The following DLC1 variants were observed in gnomAD, a reference collection of about 807,000 sequenced individuals.
The protein encoded by DLC1 is DLC1 Rho GTPase activating protein.
DLC1 carries 54 observed loss-of-function variants against 140.3 expected under a neutral mutation model. The observed-to-expected ratio is 0.38, with a 90% confidence interval of 0.31 to 0.48. DLC1 has a LOEUF of 0.48. Ranked by LOEUF, DLC1 falls within the 20% of genes least tolerant of loss-of-function variation. The pLI, the probability that DLC1 is intolerant of heterozygous loss-of-function variation, is 0.96. For missense variants in DLC1, 2,536 were observed against 1,907.0 expected (o/e 1.33, Z -6.14); for synonymous variants, 986 against 728.1 (o/e 1.35, Z -5.70).
At chr8:13,176,079 A>G (rs1250425605) in intron 5 of DLC1, among the ~76,000 whole-genome samples, 1 of 152,246 alleles carries the variant, frequency 6.6e-6, no homozygotes, top group African/African-American at 2.4e-5. Context: ...TTCTAGGATC[A>G]TGCTTTGCTT....
At chr8:13,561,408 A>G (rs1045772455) in intron 1 of DLC1, among the ~76,000 whole-genome samples, 2 of 152,128 alleles carry the variant, frequency 1.3e-5, no homozygotes, top group African/African-American at 4.8e-5. Flanking sequence ...TTGAACTCCT[A>G]TTCTTAAAGA....
At chr8:13,107,532 C>T (rs976972627) in intron 7 of DLC1, among the ~76,000 whole-genome samples, 4 of 152,098 alleles carry the variant, frequency 2.6e-5, no homozygotes, top group African/African-American at 9.7e-5. Flanking sequence ...AAGGCAAAGA[C>T]AAAAGTCTAT....
At chr8:13,404,173 T>G (rs536932116) in intron 2 of DLC1, among the ~76,000 whole-genome samples, 1 of 152,240 alleles carries the variant, frequency 6.6e-6, no homozygotes, top group African/African-American at 2.4e-5. Flanking sequence ...AAGGCACTGT[T>G]TGGGGAGCAT....
chr8:13,378,431 A>C (rs949818677), intron 4 of DLC1, among the ~76,000 whole-genome samples: 2 of 151,998 alleles, frequency 1.3e-5, no homozygotes, highest in African/African-American at 4.8e-5. Flanking sequence ...TGATCCAAGA[A>C]GAGATTAAGT....
intron 1 of DLC1, among the ~76,000 whole-genome samples, chr8:13,573,174 G>C (rs1804723889): frequency 6.6e-6 from 1 of 151,958 alleles, no homozygotes; most frequent in South Asian, 2.1e-4. Context: ...TGTAAGTTTT[G>C]TGCCTCCTTT....
chr8:13,165,823 C>G (rs1825067090), intron 5 of DLC1, among the ~76,000 whole-genome samples: 2 of 152,146 alleles, frequency 1.3e-5, no homozygotes. Flanking sequence ...GAATGGCTTC[C>G]TTGGGTCAGT....
At chr8:13,193,817 C>A (rs755672946) in intron 5 of DLC1, among the ~76,000 whole-genome samples, 1 of 152,140 alleles carries the variant, frequency 6.6e-6, no homozygotes, top group Non-Finnish European at 1.5e-5. Context: ...AGGTGGAAAT[C>A]TGCCAGTACT....
rs1729176 is a variant in DLC1, at chr8:13,366,630, T to G, written c.1314+26923A>C. The stretch of plus-strand genomic sequence containing the variant: ...GTTCAAACAACAAAAAATTTAGAAA[T>G]CTGCTTGGTTAGAGCAGATATAAAT... On this transcript the variant is annotated intron_variant, in intron 4 of 17. Transcript: ENST00000276297. 1.8e-4 allele frequency among the ~76,000 whole-genome samples: 28 copies of G among 152,070 alleles called. No individual in the cohort carries two copies. In the East Asian group the frequency reaches 5.0e-3, roughly 27 times the overall value.
chr8:13,509,175 C>T (rs1802244709), intron 1 of DLC1, among the ~76,000 whole-genome samples: 1 of 152,140 alleles, frequency 6.6e-6, no homozygotes, highest in African/African-American at 2.4e-5. Flanking sequence ...TTTAAGTGGT[C>T]ACTTTATTTT....
chr8:13,113,744 C>G (rs560982765), intron 6 of DLC1, among the ~76,000 whole-genome samples: 2 of 152,286 alleles, frequency 1.3e-5, no homozygotes, highest in South Asian at 4.1e-4. Context: ...CAGGTTAAAA[C>G]TTCTCTCTAA....
rs74930165 is a variant in DLC1 at position 13,111,700 on chromosome 8, G to A, written c.1421-877C>T. Among the ~76,000 whole-genome samples, 406 of 152,198 alleles carry A rather than the reference G, an allele frequency of 2.7e-3. 6 individuals are homozygous for A. In the East Asian group the frequency reaches 0.042, roughly 16 times the overall value. The stretch of plus-strand genomic sequence containing the variant: ...AAAGGCAAGTTATCACCCTCTTGGA[G>A]TCCCAACTATGAGGGCAAATCATGG... On this transcript the variant is annotated intron_variant, in intron 6 of 17. Transcript: ENST00000276297.
intron 5 of DLC1, among the ~76,000 whole-genome samples, chr8:13,240,546 C>A (rs1829501729): frequency 1.3e-5 from 2 of 152,164 alleles, no homozygotes; most frequent in South Asian, 4.1e-4. Context: ...CCACATCAGC[C>A]TCCCAAGTAG....
At chr8:13,581,362 A>G (rs1016571638) in intron 1 of DLC1, among the ~76,000 whole-genome samples, 3 of 151,932 alleles carry the variant, frequency 2.0e-5, no homozygotes, top group Admixed American at 1.3e-4. Context: ...CCCAAACAAA[A>G]CTCTTGCTGT....
At chr8:13,202,072 A>C (rs1036632647) in intron 5 of DLC1, among the ~76,000 whole-genome samples, 1 of 151,878 alleles carries the variant, frequency 6.6e-6, no homozygotes, top group African/African-American at 2.4e-5. Flanking sequence ...CAGCCTACCA[A>C]GTAGCTGGGA....
intron 1 of DLC1, among the ~76,000 whole-genome samples, chr8:13,589,678 T>C (rs943987991): frequency 4.3e-5 from 5 of 115,772 alleles, no homozygotes; most frequent in Admixed American, 9.6e-5. Context: ...CAGTTCTATA[T>C]AGAATGCTCT....
intron 15 of DLC1, among the ~76,000 whole-genome samples, 170 bp downstream of exon 15, chr8:13,090,082 C>T (rs959416778): frequency 5.3e-5 from 8 of 152,170 alleles, no homozygotes; most frequent in Non-Finnish European, 7.3e-5. Context: ...TTGCTTTGCC[C>T]GGTTTCCACT....
chr8:13,587,650 T>C (rs900067), intron 1 of DLC1, among the ~76,000 whole-genome samples: 1 of 148,268 alleles, frequency 6.7e-6, no homozygotes, highest in Non-Finnish European at 1.5e-5. Context: ...ATATGTATGT[T>C]TATATAGGCG....
chr8:13,382,129 T>G (rs1329217418), intron 4 of DLC1, among the ~76,000 whole-genome samples: 1 of 152,044 alleles, frequency 6.6e-6, no homozygotes, highest in East Asian at 1.9e-4. Context: ...AAGTAAAAAA[T>G]GTACCTAAAG....
intron 1 of DLC1, among the ~76,000 whole-genome samples, chr8:13,592,663 G>A (rs73212177): frequency 0.096 from 14,606 of 152,108 alleles, 751 homozygotes; most frequent in Middle Eastern, 0.16. Flanking sequence ...GGTTTCCCCA[G>A]TAAGAGGATT....
Sources: gnomAD v4.1 joint callset for allele counts (sites outside exome capture counted in the v4.1 genomes callset) on GRCh38, gnomAD v4.1.1 for gene constraint, MANE v1.5 for transcripts, NCBI Gene and HGNC (gene_info 2026-07-23, HGNC 2026-07-21) for gene names.